The following RIMS2 variants were observed in gnomAD, a reference collection of about 807,000 sequenced individuals.
The protein encoded by RIMS2 is regulating synaptic membrane exocytosis 2, also known as regulating synaptic membrane exocytosis protein 2.
Under a neutral mutation model 174.4 loss-of-function variants are expected in RIMS2, and 59 were observed. The observed-to-expected ratio is 0.34, with a 90% CI of 0.27 to 0.42. The LOEUF (loss-of-function observed/expected upper bound fraction) is 0.42. RIMS2 is among the 10% of genes least tolerant of loss of function. The pLI, the probability that RIMS2 is intolerant of heterozygous loss-of-function variation, is 1.00. For missense variants in RIMS2, 1,620 were observed against 1,666.3 expected, an observed-to-expected ratio of 0.97 and a Z score of 0.48; for synonymous variants, 606 against 572.5, an observed-to-expected ratio of 1.06 and a Z score of -0.84.
chr8:103,909,990 C>CA, intron 4 of RIMS2: 2 of 395,358 alleles, frequency 5.1e-6, no homozygotes, highest in Non-Finnish European at 9.1e-6. Context: ...ATAGCACTCA[C>CA]TATATATATA....
chr8:103,559,341 C>A, intron 1 of RIMS2: 1 of 243,354 alleles, frequency 4.1e-6, no homozygotes, highest in South Asian at 5.3e-5. Context: ...ACTTCCTTCT[C>A]CTTTATGCCC....
chr8:103,895,806 A>G (rs1406722376), intron 4 of RIMS2, among the ~76,000 whole-genome samples: 1 of 151,320 alleles, frequency 6.6e-6, no homozygotes, highest in East Asian at 1.9e-4. Flanking sequence ...ACTTTCTTGG[A>G]CTTAAAATGT....
At chr8:104,029,581 G>A (rs34015745) in intron 19 of RIMS2, among the ~76,000 whole-genome samples, 34,380 of 152,020 alleles carry the variant, frequency 0.23, 4,050 homozygotes, top group South Asian at 0.35. Flanking sequence ...ACCAGCATAT[G>A]TTACTTTTCA....
At chr8:103,829,879 C>T (rs1288449950) in intron 3 of RIMS2, among the ~76,000 whole-genome samples, 2 of 152,026 alleles carry the variant, frequency 1.3e-5, no homozygotes, top group Non-Finnish European at 2.9e-5. Context: ...GATAATAACA[C>T]TATGATGATG....
At chr8:103,739,359 T>C (rs1368528508) in intron 2 of RIMS2, among the ~76,000 whole-genome samples, 30 of 152,058 alleles carry the variant, frequency 2.0e-4, no homozygotes, top group Admixed American at 2.0e-3. Context: ...AAGAGGAACA[T>C]CACACACTGG....
At chr8:103,594,710 G>C (rs1033709547) in intron 1 of RIMS2, among the ~76,000 whole-genome samples, 2 of 151,762 alleles carry the variant, frequency 1.3e-5, no homozygotes, top group South Asian at 2.1e-4. Flanking sequence ...GGAAATACAG[G>C]ATATTAGTAA....
intron 3 of RIMS2, among the ~76,000 whole-genome samples, chr8:103,864,641 C>A (rs755973513): frequency 1.3e-5 from 2 of 152,194 alleles, no homozygotes; most frequent in Non-Finnish European, 2.9e-5. Context: ...TTATTGAGCA[C>A]TTGCTGTGTG....
chr8:103,796,761 T>C (rs2098552604), intron 3 of RIMS2, among the ~76,000 whole-genome samples: 1 of 152,206 alleles, frequency 6.6e-6, no homozygotes, highest in Non-Finnish European at 1.5e-5. Flanking sequence ...AACTACTTTT[T>C]AGTTGGGAAA....
intron 10 of RIMS2, among the ~76,000 whole-genome samples, chr8:103,925,839 C>T (rs1464280427): frequency 6.6e-6 from 1 of 151,450 alleles, no homozygotes; most frequent in Non-Finnish European, 1.5e-5. Context: ...GTGGTGATTC[C>T]ACAGAATTCT....
At chr8:104,212,008 T>A (rs373835155) in intron 19 of RIMS2, among the ~76,000 whole-genome samples, 1 of 54,446 alleles carries the variant, frequency 1.8e-5, no homozygotes, top group African/African-American at 8.1e-5. Flanking sequence ...TAAAGGAGGA[T>A]GTCCAGATTT....
chr8:104,218,856 C>A (rs964606183), intron 19 of RIMS2, among the ~76,000 whole-genome samples: 3 of 152,164 alleles, frequency 2.0e-5, no homozygotes, highest in Non-Finnish European at 2.9e-5. Flanking sequence ...AGGCTGGGGA[C>A]CCCTGGCTTA....
chr8:103,948,906 G>T (rs1288601748), intron 14 of RIMS2, among the ~76,000 whole-genome samples: 2 of 151,326 alleles, frequency 1.3e-5, no homozygotes, highest in East Asian at 1.9e-4. Context: ...TGGGAGAATT[G>T]ATTGAGCCCG....
chr8:103,772,766 A>G (rs6991464), intron 3 of RIMS2, among the ~76,000 whole-genome samples: 23,889 of 152,104 alleles, frequency 0.16, 1,978 homozygotes, highest in Middle Eastern at 0.24. Context: ...TAGATCAGTG[A>G]AACAGAATGG....
chr8:104,088,310 G>A (rs994984676), intron 19 of RIMS2, among the ~76,000 whole-genome samples: 4 of 151,882 alleles, frequency 2.6e-5, no homozygotes, highest in Non-Finnish European at 5.9e-5. Flanking sequence ...AAATGCACAT[G>A]GTTATTTAAT....
chr8:103,992,055 C>T (rs376652874), intron 17 of RIMS2, among the ~76,000 whole-genome samples: 4 of 151,828 alleles, frequency 2.6e-5, no homozygotes, highest in South Asian at 4.1e-4. Flanking sequence ...GCTTAGTAAA[C>T]AAGAAAAAAA....
chr8:103,565,390 G>A (rs1275103965), intron 1 of RIMS2, among the ~76,000 whole-genome samples: 3 of 151,858 alleles, frequency 2.0e-5, no homozygotes, highest in Non-Finnish European at 4.4e-5. Flanking sequence ...CTGCAAGCTC[G>A]ACTGCCTGGG....
At chr8:104,035,840 CAT>C (rs1253941319) in intron 19 of RIMS2, among the ~76,000 whole-genome samples, 1 of 152,034 alleles carries the variant, frequency 6.6e-6, no homozygotes, top group Non-Finnish European at 1.5e-5. Flanking sequence ...GTAAAATAAA[CAT>C]ATTTTATTCT....
At chr8:104,033,829 G>GTTT (rs1319748554) in intron 19 of RIMS2, among the ~76,000 whole-genome samples, 1 of 152,110 alleles carries the variant, frequency 6.6e-6, no homozygotes, top group Non-Finnish European at 1.5e-5. Context: ...AAACTTTGGA[G>GTTT]TGATAAAATG....
intron 3 of RIMS2, among the ~76,000 whole-genome samples, chr8:103,818,909 C>G (rs1267668879): frequency 1.3e-5 from 2 of 152,042 alleles, no homozygotes; most frequent in African/African-American, 4.8e-5. Flanking sequence ...TTCATGACAT[C>G]AAAAGAAGAA....
Sources: allele counts gnomAD v4.1 joint callset (sites outside exome capture counted in the v4.1 genomes callset), GRCh38; gene constraint gnomAD v4.1.1; transcripts MANE v1.5; gene names NCBI Gene and HGNC (gene_info 2026-07-23, HGNC 2026-07-21).